Variants in IPP observed in about 807,000 individuals in gnomAD.
IPP encodes the protein intracisternal A particle-promoted polypeptide.
A neutral mutation model predicts 64.1 loss-of-function variants in IPP; 41 were observed. The ratio of observed to expected loss-of-function variants is 0.64; its 90% CI spans 0.50 to 0.83. The LOEUF is 0.83. Ranked by LOEUF, IPP falls within the 40% of genes least tolerant of loss-of-function variation. The pLI is 0.00. For synonymous variants in IPP, 214 were observed against 235.2 expected (o/e 0.91, Z 0.83); for missense variants, 649 against 703.0 (o/e 0.92, Z 0.87).
chr1:45,707,779 A>G (rs977823068), intron 8 of IPP, among the ~76,000 whole-genome samples: 1 of 152,188 alleles, frequency 6.6e-6, no homozygotes, highest in Non-Finnish European at 1.5e-5. Flanking sequence ...CAGAAAGACA[A>G]GAGAATATTT....
At chr1:45,729,820 T>A (rs1214950379) in intron 3 of IPP, 51 bp from the exon 4 acceptor site, 1 of 1,059,208 alleles carries the variant, frequency 9.4e-7, no homozygotes, top group African/African-American at 1.7e-5. Flanking sequence ...TAAATAATAT[T>A]GAAAAAACAC....
At chr1:45,725,306 G>A (rs1645804820) in intron 5 of IPP, among the ~76,000 whole-genome samples, 8 of 135,486 alleles carry the variant, frequency 5.9e-5, no homozygotes, top group Non-Finnish European at 8.2e-5. Context: ...GAGCCCCTCT[G>A]CCCGGCCAGC....
chr1:45,725,329 G>A (rs1645805488), intron 5 of IPP, among the ~76,000 whole-genome samples: 1 of 145,276 alleles, frequency 6.9e-6, no homozygotes, highest in African/African-American at 2.5e-5. Flanking sequence ...CCCCGTCCGG[G>A]AGGGAGGTGG....
chr1:45,738,839 CAAAAAAAAAAA>C (rs752168393), intron 3 of IPP, among the ~76,000 whole-genome samples: 3 of 7,696 alleles, frequency 3.9e-4, no homozygotes, highest in Non-Finnish European at 1.1e-3. Flanking sequence ...GACTCCATCT[CAAAAAAAAAAA>C]AAAAAAAAAA....
chr1:45,728,337 T>C (rs981629169), intron 4 of IPP, among the ~76,000 whole-genome samples: 2 of 151,670 alleles, frequency 1.3e-5, no homozygotes, highest in African/African-American at 4.8e-5. Context: ...GCATTATACT[T>C]AAATATTAAT....
At chr1:45,707,560 A>G (rs943506741) in intron 8 of IPP, among the ~76,000 whole-genome samples, 2 of 152,126 alleles carry the variant, frequency 1.3e-5, no homozygotes, top group African/African-American at 4.8e-5. Flanking sequence ...AAAAAATACA[A>G]TATCTAAAAT....
At chr1:45,748,086 T>C (rs1646165433) in intron 1 of IPP, among the ~76,000 whole-genome samples, 1 of 150,018 alleles carries the variant, frequency 6.7e-6, no homozygotes, top group South Asian at 2.1e-4. Flanking sequence ...ATTGAGAAAT[T>C]TGATTGAGAG....
intron 8 of IPP, among the ~76,000 whole-genome samples, chr1:45,708,193 T>C (rs781301753): frequency 9.2e-5 from 14 of 151,528 alleles, no homozygotes; most frequent in Admixed American, 6.6e-5. Flanking sequence ...GCCTCCCAAG[T>C]GGCTAGGACT....
At position 45,729,819 on chromosome 1, in the gene IPP, T is replaced by C. The variant is rs1456825780; in HGVS notation, c.725-50A>G. On this transcript the variant is annotated intron_variant, in intron 3 of 8. Transcript: ENST00000396478. ...TGTTTTAAACAATTTTTAAATAATA[T>C]TGAAAAAACACATTTCTATAAAGAT... The C allele has an allele frequency of 3.7e-6, 4 of 1,078,788 alleles. No homozygotes were observed. The Admixed American group carries it at 8.1e-5, about 22-fold the overall frequency. 66.8% of individuals were successfully genotyped at this position (1,078,788 alleles called of 1,614,324 possible). A position where few individuals can be genotyped will look rare whatever the true frequency, so the allele number is the denominator to read the frequency against.
At chr1:45,749,518 G>GTTTTTTTTTTTT (rs1233626706) in intron 1 of IPP, among the ~76,000 whole-genome samples, 2 of 123,668 alleles carry the variant, frequency 1.6e-5, no homozygotes, top group South Asian at 2.8e-4. Context: ...TTTTGTTTTT[G>GTTTTTTTTTTTT]TTTTTTGTTT....
chr1:45,712,477 C>A (rs949773778), intron 8 of IPP, among the ~76,000 whole-genome samples: 15 of 152,020 alleles, frequency 9.9e-5, no homozygotes, highest in Admixed American at 9.9e-4. Flanking sequence ...AAAGATTTAT[C>A]TGGAAAATCC....
rs10749856 is a variant in IPP, at chr1:45,699,174, A to T, written c.*792T>A. On this transcript the variant is annotated 3_prime_UTR_variant, in exon 9 of 9. Transcript: ENST00000396478. Reference sequence around the variant, plus strand: ...TATGAGCAAGCAAAAACTTATCATCAAGCAAAAAGGTATCTATCTATTAAA... The same window carrying T: ...TATGAGCAAGCAAAAACTTATCATCTAGCAAAAAGGTATCTATCTATTAAA... The T allele has an allele frequency of 0.3, 296,141 of 984,724 alleles. 44,862 individuals are homozygous for T. Among genetic ancestry groups the T allele is most frequent in the South Asian group, 0.37 (7,955 of 21,270 alleles). 61.0% of individuals were successfully genotyped at this position (984,724 alleles called of 1,614,324 possible).
At chr1:45,709,465 C>A (rs1645561591) in intron 8 of IPP, among the ~76,000 whole-genome samples, 2 of 140,328 alleles carry the variant, frequency 1.4e-5, no homozygotes, top group East Asian at 2.1e-4. Flanking sequence ...GCTCTTTGAG[C>A]TAAGAAAACA....
Position 45,699,252 on chromosome 1 carries a change from A to T in IPP, c.*714T>A. 1 of 985,420 alleles carries T rather than the reference A, an allele frequency of 1.0e-6. No individual in the cohort carries two copies. Among genetic ancestry groups the T allele is most frequent in the African/African-American group, 1.7e-5 (1 of 57,360 alleles). The allele number at this position is 985,420 out of a possible 1,614,324, so 61.0% of individuals were successfully genotyped here. A position where few individuals can be genotyped will look rare whatever the true frequency, so the allele number is the denominator to read the frequency against. ...CCTAGGATATCTGCTGCCAATAAAAAGTTTGGGGCTAGTGAAAACTCTTGG... is the reference window on the plus strand; with the variant it reads ...CCTAGGATATCTGCTGCCAATAAAATGTTTGGGGCTAGTGAAAACTCTTGG... On this transcript the variant is annotated 3_prime_UTR_variant, in exon 9 of 9. Transcript: ENST00000396478.
chr1:45,736,900 G>A (rs796627488), intron 3 of IPP, among the ~76,000 whole-genome samples: 51 of 151,910 alleles, frequency 3.4e-4, no homozygotes, highest in African/African-American at 1.2e-3. Context: ...AAAATTAGCC[G>A]GGCGTGGTGG....
chr1:45,743,088 C>T (rs1305616955), intron 2 of IPP, among the ~76,000 whole-genome samples: 1 of 151,948 alleles, frequency 6.6e-6, no homozygotes, highest in Non-Finnish European at 1.5e-5. Context: ...CAGATGCGCA[C>T]CACCATAACC....
intron 5 of IPP, among the ~76,000 whole-genome samples, chr1:45,726,493 C>G (rs1645829970): frequency 6.6e-6 from 1 of 151,918 alleles, no homozygotes. Flanking sequence ...TTTTAATGAG[C>G]CATACATGGT....
chr1:45,742,968 C>T (rs1646086283), intron 2 of IPP, among the ~76,000 whole-genome samples: 1 of 151,690 alleles, frequency 6.6e-6, no homozygotes, highest in Non-Finnish European at 1.5e-5. Context: ...GACAGAGTCT[C>T]ACTATGTCAC....
chr1:45,724,857 G>T (rs1339520302), intron 5 of IPP, among the ~76,000 whole-genome samples: 1 of 150,790 alleles, frequency 6.6e-6, no homozygotes, highest in Admixed American at 6.6e-5. Context: ...GAGCGTCTCC[G>T]CCCGGCAGCC....
Sources: gnomAD v4.1 joint callset for allele counts (sites outside exome capture counted in the v4.1 genomes callset) on GRCh38, gnomAD v4.1.1 for gene constraint, MANE v1.5 for transcripts, NCBI Gene and HGNC (gene_info 2026-07-23, HGNC 2026-07-21) for gene names.